CIMAP2: variants seen among roughly 807,000 people sequenced by gnomAD.
The protein encoded by CIMAP2 is ciliary microtubule associated protein 2, also known as ciliary microtubule-associated protein 2.
the CIMAP2 span, among the ~76,000 whole-genome samples, chr1:54,818,041 T>C: frequency 6.6e-6 from 1 of 152,246 alleles, no homozygotes; most frequent in East Asian, 1.9e-4. Flanking sequence ...TTTGAAGGCC[T>C]TTCATAGCCT....
chr1:54,811,765 G>GCCGGGGGGGGCCCCCCC, the CIMAP2 span: 1 of 1,301,326 alleles, frequency 7.7e-7, no homozygotes. Flanking sequence ...GGTTCTGACA[G>GCCGGGGGGGGCCCCCCC]CCTCCATGCC....
chr1:54,831,374 T>C, the CIMAP2 span, among the ~76,000 whole-genome samples: 2 of 152,134 alleles, frequency 1.3e-5, no homozygotes, highest in African/African-American at 4.8e-5. Context: ...GGGGAAGACA[T>C]GGACACAATG....
chr1:54,806,270 C>T, the CIMAP2 span: 1 of 1,444,004 alleles, frequency 6.9e-7, no homozygotes, highest in Admixed American at 2.8e-5. Flanking sequence ...AAAGCAGCTG[C>T]TGCCCACCCC....
the CIMAP2 span, chr1:54,811,776 C>CCCACCCCCCCCCCCCA: frequency 2.0e-6 from 1 of 491,898 alleles, no homozygotes; most frequent in Non-Finnish European, 3.9e-6. Context: ...CCTCCATGCC[C>CCCACCCCCCCCCCCCA]CCACCCCCGC....
At chr1:54,813,829 G>A in the CIMAP2 span, 4 of 1,606,206 alleles carry the variant, frequency 2.5e-6, no homozygotes, top group Non-Finnish European at 2.5e-6. Context: ...AAAGCCCAGG[G>A]AACTGATGAA....
At chr1:54,808,498 C>CAG in the CIMAP2 span, among the ~76,000 whole-genome samples, 1 of 151,642 alleles carries the variant, frequency 6.6e-6, no homozygotes, top group South Asian at 2.1e-4. Flanking sequence ...CCAGTGTGGC[C>CAG]AGAGGGCACT....
the CIMAP2 span, among the ~76,000 whole-genome samples, chr1:54,812,723 T>G: frequency 2.8e-4 from 42 of 152,134 alleles, no homozygotes; most frequent in Non-Finnish European, 4.4e-4. Flanking sequence ...TGGAATTAGG[T>G]TTTGTCTAAT....
chr1:54,811,765 G>GCGGGGGGGGGGGGGGGCCCCCCCCC, the CIMAP2 span: 3 of 1,301,322 alleles, frequency 2.3e-6, no homozygotes, highest in East Asian at 2.5e-5. Flanking sequence ...GGTTCTGACA[G>GCGGGGGGGGGGGGGGGCCCCCCCCC]CCTCCATGCC....
At chr1:54,834,103 G>T in the CIMAP2 span, among the ~76,000 whole-genome samples, 8 of 152,272 alleles carry the variant, frequency 5.3e-5, no homozygotes, top group South Asian at 6.2e-4. Context: ...CTCCCAAAGT[G>T]CTGGGATTAC....
the CIMAP2 span, among the ~76,000 whole-genome samples, chr1:54,812,721 G>C: frequency 0.34 from 52,184 of 152,000 alleles, 9,994 homozygotes; most frequent in East Asian, 0.75. Context: ...ACTGGAATTA[G>C]GTTTTGTCTA....
chr1:54,822,782 A>G, the CIMAP2 span, among the ~76,000 whole-genome samples: 1 of 152,224 alleles, frequency 6.6e-6, no homozygotes, highest in Non-Finnish European at 1.5e-5. Flanking sequence ...CTGGGATTCC[A>G]GGCATGAGAC....
the CIMAP2 span, among the ~76,000 whole-genome samples, chr1:54,828,159 C>T: frequency 2.6e-5 from 4 of 152,110 alleles, no homozygotes; most frequent in Non-Finnish European, 5.9e-5. Flanking sequence ...AACATTATTA[C>T]AATTGATAAT....
chr1:54,806,801 G>C, the CIMAP2 span, among the ~76,000 whole-genome samples: 19 of 148,196 alleles, frequency 1.3e-4, no homozygotes, highest in African/African-American at 4.5e-4. Flanking sequence ...CTGGGAGGAG[G>C]AGCTGGTGGG....
chr1:54,816,150 C>T, the CIMAP2 span, among the ~76,000 whole-genome samples: 60 of 152,328 alleles, frequency 3.9e-4, no homozygotes, highest in African/African-American at 1.3e-3. Flanking sequence ...ATGTGAGGTC[C>T]GGGTTCTGGT....
the CIMAP2 span, chr1:54,806,327 G>A: frequency 2.6e-6 from 3 of 1,150,890 alleles, no homozygotes; most frequent in African/African-American, 5.0e-5. Context: ...CTACACACAG[G>A]GCTGAGCCTG....
chr1:54,813,461 G>T, the CIMAP2 span, among the ~76,000 whole-genome samples: 1 of 152,162 alleles, frequency 6.6e-6, no homozygotes, highest in Non-Finnish European at 1.5e-5. Flanking sequence ...AGTCACTCTG[G>T]TTTTAAATAT....
At chr1:54,809,020 C>T in the CIMAP2 span, among the ~76,000 whole-genome samples, 111 of 9,190 alleles carry the variant, frequency 0.012, no homozygotes, top group African/African-American at 0.025. Flanking sequence ...GGGCGGACCA[C>T]GTCTGCCTGG....
the CIMAP2 span, chr1:54,807,112 C>T: frequency 6.3e-7 from 1 of 1,584,784 alleles, no homozygotes; most frequent in Non-Finnish European, 8.7e-7. Context: ...CCTGACTCCT[C>T]CCACAGGGTC....
chr1:54,837,048 T>C, the CIMAP2 span, among the ~76,000 whole-genome samples: 2 of 152,088 alleles, frequency 1.3e-5, no homozygotes, highest in African/African-American at 4.8e-5. Flanking sequence ...ATATCTGAAT[T>C]ACCAGTTGCT....
Sources: allele counts gnomAD v4.1 joint callset (sites outside exome capture counted in the v4.1 genomes callset), GRCh38; gene constraint gnomAD v4.1.1; transcripts MANE v1.5; gene names NCBI Gene and HGNC (gene_info 2026-07-23, HGNC 2026-07-21).